The following CEP85L variants were observed in gnomAD, a reference collection of about 807,000 sequenced individuals.
CEP85L encodes centrosomal protein of 85 kDa-like.
Under a neutral mutation model 100.3 loss-of-function variants are expected in CEP85L, and 60 were observed. That is an observed-to-expected ratio of 0.60 (90% CI 0.49 to 0.74). The LOEUF is 0.74. Ranked by LOEUF, CEP85L falls within the 30% of genes least tolerant of loss-of-function variation. The pLI, the probability that CEP85L is intolerant of heterozygous loss-of-function variation, is 0.00. For synonymous variants in CEP85L, 319 were observed against 322.7 expected, an observed-to-expected ratio of 0.99 and a Z score of 0.12; for missense variants, 973 against 936.2, an observed-to-expected ratio of 1.04 and a Z score of -0.51.
intron 9 of CEP85L, 21 bp downstream of exon 9, chr6:118,480,375 T>G (rs1425444284): frequency 7.5e-7 from 1 of 1,331,796 alleles, no homozygotes; most frequent in Non-Finnish European, 1.1e-6. Context: ...TTCACGTTTA[T>G]GATCTAAGGT....
intron 10 of CEP85L, among the ~76,000 whole-genome samples, chr6:118,474,433 C>T (rs1330688067): frequency 6.6e-6 from 1 of 152,196 alleles, no homozygotes; most frequent in Non-Finnish European, 1.5e-5. Context: ...ATTTATCATC[C>T]TAGCAAAGGC....
chr6:118,491,196 T>TATACAC (rs1491488278), intron 6 of CEP85L, among the ~76,000 whole-genome samples: 1 of 116,366 alleles, frequency 8.6e-6, no homozygotes, highest in Admixed American at 8.0e-5. Flanking sequence ...CCAACATCTA[T>TATACAC]ACACACACAC....
intron 2 of CEP85L, among the ~76,000 whole-genome samples, 174 bp downstream of exon 2, chr6:118,632,279 G>A (rs374973809): frequency 9.9e-5 from 15 of 152,254 alleles, no homozygotes; most frequent in East Asian, 9.7e-4. Context: ...ATGAGCCACC[G>A]CGCCCGGTCG....
At chr6:118,663,858 T>G (rs1332118180) in intron 1 of CEP85L, among the ~76,000 whole-genome samples, 2 of 152,124 alleles carry the variant, frequency 1.3e-5, no homozygotes, top group Non-Finnish European at 2.9e-5. Flanking sequence ...GTAAGTGCTA[T>G]GTAAATAGCT....
chr6:118,475,352 T>A (rs1209530681), intron 10 of CEP85L, among the ~76,000 whole-genome samples: 17 of 142,570 alleles, frequency 1.2e-4, no homozygotes, highest in East Asian at 6.1e-4. Context: ...GTGACATTTT[T>A]TTTTTTTTTT....
chr6:118,486,007 C>T (rs1208106123), intron 6 of CEP85L, among the ~76,000 whole-genome samples: 2 of 152,172 alleles, frequency 1.3e-5, no homozygotes, highest in East Asian at 3.9e-4. Flanking sequence ...TTTTGGTTGT[C>T]CAACTCTCTT....
At chr6:118,606,786 C>T (rs1439583193) in intron 2 of CEP85L, among the ~76,000 whole-genome samples, 2 of 152,178 alleles carry the variant, frequency 1.3e-5, no homozygotes, top group African/African-American at 4.8e-5. Flanking sequence ...CCCCTCAACA[C>T]AGAAAAACAA....
intron 4 of CEP85L, among the ~76,000 whole-genome samples, chr6:118,517,914 A>G (rs1776377889): frequency 6.6e-6 from 1 of 152,194 alleles, no homozygotes; most frequent in South Asian, 2.1e-4. Context: ...CACTGCATCA[A>G]TACCTAGTTT....
chr6:118,547,055 T>A (rs1299933223), intron 3 of CEP85L, among the ~76,000 whole-genome samples: 1 of 152,152 alleles, frequency 6.6e-6, no homozygotes, highest in Non-Finnish European at 1.5e-5. Context: ...CTGCTACACA[T>A]TTTAGTTACC....
rs1779449413 is a variant in CEP85L, at chr6:118,565,558, A to G, written c.991T>C (p.Phe331Leu). The G allele has an allele frequency of 6.2e-7, 1 of 1,614,172 alleles. No homozygotes were observed. The highest frequency in any genetic ancestry group is 1.3e-5 in the African/African-American group (1 of 75,048). ...ATTGGTGTTTCACTTCCTTGTCGAA[A>G]GTCTTCAATTTGCTGCTGTTGCCAA... ...APWQQQQIED[F>L]RQGSETPMQV... The change falls in exon 3 of 13, where the codon TTT becomes CTT. Residue 331 changes from phenylalanine (F) to leucine (L), a missense_variant. By Grantham distance (22) the Phe-to-Leu change is conservative. Around this residue, in one of 3 missense-constraint regions of CEP85L, gnomAD observed 890 missense variants for 844.5 expected, o/e 1.05. Coordinates refer to ENST00000368491, the MANE Select transcript of CEP85L (RefSeq NM_001042475.3).
intron 1 of CEP85L, among the ~76,000 whole-genome samples, chr6:118,691,533 C>CAAAAA (rs372306868): frequency 1.4e-4 from 12 of 88,668 alleles, no homozygotes; most frequent in East Asian, 7.3e-4. Context: ...AACTCCATCT[C>CAAAAA]AAAAAAAAAA....
chr6:118,502,942 GGTATTTGATTAT>G (rs1355102405), intron 5 of CEP85L: 1 of 395,478 alleles, frequency 2.5e-6, no homozygotes, highest in Non-Finnish European at 4.8e-6. Context: ...GAGGCCACCT[GGTATTTGATTAT>G]GTATTATGTA....
Position 118,491,729 on chromosome 6 carries a change from C to T in CEP85L, c.1394G>A (p.Arg465Lys), listed in dbSNP as rs1774587098. Residue 465 changes from arginine (R) to lysine (K), a missense_variant, in exon 6 of 13, where the codon AGA becomes AAA. Around this residue, in one of 3 missense-constraint regions of CEP85L, gnomAD observed 890 missense variants for 844.5 expected, o/e 1.05. Coordinates refer to ENST00000368491, the MANE Select transcript of CEP85L (RefSeq NM_001042475.3). ...CTTCTCTTCACTAAATAGGCTTAGT[C>T]TTTGTTTGAGAAACTCATTAAGCTG... is the stretch of plus-strand genomic sequence containing the variant. ...VLQLNEFLKQRLSLFSEEKKK... is the reference protein window; with the variant it reads ...VLQLNEFLKQKLSLFSEEKKK... 1 of 1,613,024 alleles carries T rather than the reference C, an allele frequency of 6.2e-7. No individual in the cohort carries two copies. The highest frequency in any genetic ancestry group is 8.5e-7 in the Non-Finnish European group (1 of 1,179,522).
chr6:118,569,620 A>G (rs75110789), intron 2 of CEP85L, among the ~76,000 whole-genome samples: 2,444 of 152,116 alleles, frequency 0.016, 35 homozygotes, highest in Non-Finnish European at 0.027. Context: ...AGATGACAAC[A>G]GTGAGAATTA....
chr6:118,578,621 C>G (rs2115062275), intron 2 of CEP85L, among the ~76,000 whole-genome samples: 1 of 152,086 alleles, frequency 6.6e-6, no homozygotes, highest in Admixed American at 6.5e-5. Flanking sequence ...CCCAGCTACT[C>G]AGGAGGCTGA....
At chr6:118,509,603 T>C (rs921043409) in intron 5 of CEP85L, among the ~76,000 whole-genome samples, 4 of 152,082 alleles carry the variant, frequency 2.6e-5, no homozygotes, top group African/African-American at 9.7e-5. Context: ...TACCAATGTC[T>C]CTAGTATTTA....
chr6:118,707,672 T>G (rs1297986209), intron 1 of CEP85L, among the ~76,000 whole-genome samples: 4 of 152,180 alleles, frequency 2.6e-5, no homozygotes, highest in Admixed American at 6.5e-5. Context: ...ACATAGAAAT[T>G]TTTAGGTAAA....
chr6:118,639,108 G>A (rs548876630), intron 1 of CEP85L, among the ~76,000 whole-genome samples: 1 of 152,160 alleles, frequency 6.6e-6, no homozygotes, highest in Non-Finnish European at 1.5e-5. Context: ...CCATTAGTAT[G>A]TTTTAAAATC....
At chr6:118,640,417 C>G (rs1034196918) in intron 1 of CEP85L, among the ~76,000 whole-genome samples, 3 of 152,190 alleles carry the variant, frequency 2.0e-5, no homozygotes, top group Admixed American at 6.5e-5. Flanking sequence ...TCATAAATCA[C>G]TTAACCTCTC....
Sources: gnomAD v4.1 joint callset for allele counts (sites outside exome capture counted in the v4.1 genomes callset) on GRCh38, gnomAD v4.1.1 for gene constraint, gnomAD v4.1.1 regional missense constraint, MANE v1.5 for transcripts, NCBI Gene and HGNC (gene_info 2026-07-23, HGNC 2026-07-21) for gene names.